Variants in KAZN observed in about 807,000 individuals in gnomAD.
The protein encoded by KAZN is kazrin, periplakin interacting protein, also known as kazrin.
A neutral mutation model predicts 87.4 loss-of-function variants in KAZN; 40 were observed. The observed-to-expected ratio is 0.46, with a 90% CI of 0.36 to 0.60. The LOEUF is 0.60. Ranked by LOEUF, KAZN falls within the 20% of genes least tolerant of loss-of-function variation. The probability of loss-of-function intolerance (pLI) is 0.00; values close to 1 mark genes in which losing one functional copy is unlikely to be tolerated. For synonymous variants in KAZN, 466 were observed against 458.3 expected (o/e 1.02, Z -0.22); for missense variants, 898 against 1,073.9 (o/e 0.84, Z 2.29).
intron 1 of KAZN, among the ~76,000 whole-genome samples, chr1:14,755,300 C>T (rs1386507424): frequency 6.6e-6 from 1 of 152,020 alleles, no homozygotes; most frequent in Non-Finnish European, 1.5e-5. Context: ...TATTGCCATG[C>T]TTGTCCCTAA....
intron 1 of KAZN, among the ~76,000 whole-genome samples, chr1:14,931,010 G>A (rs1557632670): frequency 2.6e-5 from 4 of 152,200 alleles, no homozygotes; most frequent in Admixed American, 2.6e-4. Context: ...AGCCCTGAGA[G>A]GGAAACCTCT....
chr1:14,469,766 A>G (rs577078062), intron 2 of KAZN, among the ~76,000 whole-genome samples: 34 of 152,322 alleles, frequency 2.2e-4, no homozygotes, highest in African/African-American at 7.9e-4. Flanking sequence ...TATTAGCATT[A>G]ATGATGGGTT....
At chr1:14,303,079 A>T (rs1654669710) in intron 2 of KAZN, among the ~76,000 whole-genome samples, 1 of 152,142 alleles carries the variant, frequency 6.6e-6, no homozygotes, top group Non-Finnish European at 1.5e-5. Context: ...TCTAGACTCA[A>T]CCTTCTTAGG....
In KAZN at chr1:15,075,298, G is replaced by A. The variant is rs1639688924; in HGVS notation, c.1222+9545G>A. 2.0e-5 allele frequency among the ~76,000 whole-genome samples: 3 copies of A among 152,042 alleles called. No homozygotes were observed. The South Asian group carries it at 6.2e-4, about 31-fold the overall frequency. On this transcript the variant is annotated intron_variant, in intron 8 of 14. Coordinates refer to ENST00000376030, the MANE Select transcript of KAZN (RefSeq NM_201628.3). ...TCAACTAGGGGGAAAAAAATCCCTG[G>A]GTCAGTAAGTTTTGGAAACACTGCA...
At chr1:14,951,367 G>T (rs1662462176) in intron 1 of KAZN, among the ~76,000 whole-genome samples, 1 of 152,080 alleles carries the variant, frequency 6.6e-6, no homozygotes, top group Admixed American at 6.6e-5. Context: ...CATTCATCCT[G>T]TCACTGCTTA....
chr1:14,002,373 G>C (rs969950356), intron 1 of KAZN, among the ~76,000 whole-genome samples: 1 of 152,110 alleles, frequency 6.6e-6, no homozygotes, highest in African/African-American at 2.4e-5. Context: ...TGAATCATGG[G>C]GACTGGTCTT....
intron 2 of KAZN, among the ~76,000 whole-genome samples, chr1:14,389,628 T>C (rs1325875498): frequency 6.6e-6 from 1 of 152,164 alleles, no homozygotes; most frequent in Non-Finnish European, 1.5e-5. Context: ...TATTCTCACT[T>C]ACTTATGGGA....
chr1:15,031,155 A>T (rs1671655443), intron 2 of KAZN, among the ~76,000 whole-genome samples: 1 of 152,208 alleles, frequency 6.6e-6, no homozygotes, highest in African/African-American at 2.4e-5. Flanking sequence ...GGGACCCTCC[A>T]GGTTTAGGGA....
At chr1:14,098,550 G>A (rs759050258) in intron 1 of KAZN, among the ~76,000 whole-genome samples, 2 of 152,114 alleles carry the variant, frequency 1.3e-5, no homozygotes, top group African/African-American at 2.4e-5. Context: ...TTGAGGAATT[G>A]CCTCCATTCT....
At chr1:14,691,384 C>G (rs1641298147) in intron 1 of KAZN, among the ~76,000 whole-genome samples, 1 of 152,162 alleles carries the variant, frequency 6.6e-6, no homozygotes, top group Admixed American at 6.5e-5. Context: ...TGTATATATA[C>G]ATATGTTCAT....
intron 1 of KAZN, among the ~76,000 whole-genome samples, chr1:14,696,830 T>A (rs1205359822): frequency 6.6e-6 from 1 of 151,990 alleles, no homozygotes; most frequent in East Asian, 1.9e-4. Context: ...ATTGATGAGG[T>A]CAACCAGGAG....
chr1:14,448,313 A>T (rs1327313317), intron 2 of KAZN, among the ~76,000 whole-genome samples: 1 of 152,244 alleles, frequency 6.6e-6, no homozygotes, highest in Non-Finnish European at 1.5e-5. Context: ...GGCACCACAC[A>T]GTGCCATCGT....
chr1:14,924,036 G>A (rs1658845580), intron 1 of KAZN: 3 of 868,650 alleles, frequency 3.5e-6, no homozygotes, highest in Non-Finnish European at 4.1e-6. Flanking sequence ...GGGCCAGTCT[G>A]GGCGCCGCGG....
chr1:14,087,915 C>T lies in KAZN; in HGVS notation c.92-92520C>T, dbSNP rs546498658. On this transcript the variant is annotated intron_variant, in intron 1 of 16. Transcript: ENST00000636203. ...AAGTATTGGTTTGTAGTTTTCTTTC[C>T]TTGTAATCTCTTTGTCTGGTTTTGG... 2.0e-5 allele frequency among the ~76,000 whole-genome samples: 3 copies of T among 150,154 alleles called. No individual in the cohort carries two copies. In the East Asian group the frequency reaches 5.8e-4, roughly 29 times the overall value.
intron 1 of KAZN, among the ~76,000 whole-genome samples, chr1:14,874,650 C>T (rs1473341920): frequency 1.3e-5 from 2 of 152,228 alleles, no homozygotes; most frequent in African/African-American, 4.8e-5. Context: ...GAACCAAAAG[C>T]TGTCAAAACC....
At chr1:14,883,426 A>AGAAAGAAAGAAAGAAAGAAAG (rs1653701467) in intron 1 of KAZN, among the ~76,000 whole-genome samples, 1 of 149,562 alleles carries the variant, frequency 6.7e-6, no homozygotes, top group Admixed American at 6.6e-5. Context: ...AAAGAAAGAA[A>AGAAAGAAAGAAAGAAAGAAAG]AGCGGTTCTT....
At chr1:15,087,195 T>C (rs1302797349) in intron 8 of KAZN, among the ~76,000 whole-genome samples, 6 of 152,208 alleles carry the variant, frequency 3.9e-5, no homozygotes, top group Admixed American at 3.9e-4. Flanking sequence ...GCCACATGTG[T>C]AACTTTATAC....
intron 2 of KAZN, among the ~76,000 whole-genome samples, chr1:14,294,959 T>G (rs1654002009): frequency 6.6e-6 from 1 of 151,572 alleles, no homozygotes; most frequent in Admixed American, 6.6e-5. Context: ...TGGCTGTGTT[T>G]GATGTGATGG....
Position 14,735,735 on chromosome 1 carries a change from C to A in KAZN, c.226+136512C>A, listed in dbSNP as rs1021815621. Reference sequence around the variant, plus strand: ...CCAAAGCGGCATGCCGGGTAATAGCCACTCTTGCACGGCAAAGGAGAAATG... The same window carrying A: ...CCAAAGCGGCATGCCGGGTAATAGCAACTCTTGCACGGCAAAGGAGAAATG... On this transcript the variant is annotated intron_variant, in intron 1 of 14. Transcript: ENST00000376030. The surrounding 1 kb of genome is among the most constrained non-coding windows in gnomAD (Gnocchi z 4.3). Among the ~76,000 whole-genome samples the A allele has an allele frequency of 6.6e-6, 1 of 152,212 alleles. No individual in the cohort carries two copies. Among genetic ancestry groups the A allele is most frequent in the Non-Finnish European group, 1.5e-5 (1 of 68,042 alleles).
Sources: allele counts gnomAD v4.1 joint callset (sites outside exome capture counted in the v4.1 genomes callset), GRCh38; gene constraint gnomAD v4.1.1; non-coding constraint Gnocchi (gnomAD v3.1); transcripts MANE v1.5; gene names NCBI Gene and HGNC (gene_info 2026-07-23, HGNC 2026-07-21).